The following CCSER1 variants were observed in gnomAD, a reference collection of about 807,000 sequenced individuals.
The protein encoded by CCSER1 is serine-rich coiled-coil domain-containing protein 1.
Under a neutral mutation model 82.0 loss-of-function variants are expected in CCSER1, and 41 were observed. The observed-to-expected ratio is 0.50, with a 90% CI of 0.39 to 0.65. The LOEUF (loss-of-function observed/expected upper bound fraction) is 0.65. Among genes scored for constraint, CCSER1 ranks in the 30% least tolerant of loss-of-function variants. The probability of loss-of-function intolerance (pLI) is 0.00; values close to 1 mark genes in which losing one functional copy is unlikely to be tolerated. For missense variants in CCSER1, 1,119 were observed against 1,064.2 expected (o/e 1.05, Z -0.72); for synonymous variants, 414 against 383.9 (o/e 1.08, Z -0.92).
At chr4:90,604,936 T>C (rs1033257080) in intron 5 of CCSER1, among the ~76,000 whole-genome samples, 6 of 152,164 alleles carry the variant, frequency 3.9e-5, no homozygotes, top group African/African-American at 1.4e-4. Context: ...CAGCAGGATG[T>C]GGATGGGGTC....
At position 91,313,766 on chromosome 4, in the gene CCSER1, C is replaced by T. The variant is rs548049327; in HGVS notation, c.2217+227772C>T. Among the ~76,000 whole-genome samples, 5 of 151,848 alleles carry T rather than the reference C, an allele frequency of 3.3e-5. No homozygotes were observed. The South Asian group carries it at 8.3e-4, about 25-fold the overall frequency. ...GGCCACATGGAAAAGATGACCCAGT[C>T]CAAGCCCCCTGACCTATGATTGAGG... On this transcript the variant is annotated intron_variant, in intron 10 of 10. Coordinates refer to ENST00000509176, the MANE Select transcript of CCSER1 (RefSeq NM_001145065.2).
At chr4:90,366,750 A>G (rs948037434) in intron 3 of CCSER1, among the ~76,000 whole-genome samples, 7 of 151,836 alleles carry the variant, frequency 4.6e-5, no homozygotes, top group Non-Finnish European at 8.8e-5. Context: ...GATTTAAGGG[A>G]CACAGTTCAG....
intron 7 of CCSER1, among the ~76,000 whole-genome samples, chr4:90,791,819 C>CAA (rs35331482): frequency 0.22 from 27,980 of 125,742 alleles, 3,049 homozygotes; most frequent in Middle Eastern, 0.3. Flanking sequence ...GAGACTGTCT[C>CAA]AAAAAAAAAA....
At chr4:91,310,908 A>C (rs966188825) in intron 10 of CCSER1, among the ~76,000 whole-genome samples, 5 of 151,856 alleles carry the variant, frequency 3.3e-5, no homozygotes, top group African/African-American at 9.7e-5. Context: ...TGTGTGGTCC[A>C]TGACAATTCT....
chr4:91,302,364 C>T (rs1744732836), intron 10 of CCSER1, among the ~76,000 whole-genome samples: 1 of 151,958 alleles, frequency 6.6e-6, no homozygotes, highest in Admixed American at 6.6e-5. Context: ...ATCTTGTTAG[C>T]TCTACTTTCA....
At chr4:90,387,925 A>G (rs757974828) in intron 3 of CCSER1, among the ~76,000 whole-genome samples, 7 of 152,206 alleles carry the variant, frequency 4.6e-5, no homozygotes, top group Non-Finnish European at 8.8e-5. Flanking sequence ...GAATGATTGC[A>G]TTAGAGGGTG....
At chr4:91,373,200 A>C (rs1230222837) in intron 10 of CCSER1, among the ~76,000 whole-genome samples, 1 of 152,050 alleles carries the variant, frequency 6.6e-6, no homozygotes, top group Non-Finnish European at 1.5e-5. Flanking sequence ...TCCCGGTGCC[A>C]ACAATATTTA....
intron 10 of CCSER1, among the ~76,000 whole-genome samples, chr4:91,492,053 C>T (rs764745683): frequency 6.6e-6 from 1 of 150,728 alleles, no homozygotes; most frequent in Non-Finnish European, 1.5e-5. Context: ...TGTTCTCTGG[C>T]CAGGTTTTTA....
intron 1 of CCSER1, among the ~76,000 whole-genome samples, chr4:90,169,657 A>G (rs942138308): frequency 1.3e-5 from 2 of 152,058 alleles, no homozygotes; most frequent in Non-Finnish European, 2.9e-5. Context: ...ACTGAAATGC[A>G]TTCATTTTAA....
At chr4:90,765,379 C>G (rs910510393) in intron 7 of CCSER1, among the ~76,000 whole-genome samples, 1 of 152,078 alleles carries the variant, frequency 6.6e-6, no homozygotes, top group South Asian at 2.1e-4. Flanking sequence ...TCTTTTCTGC[C>G]TCCTTGGGGA....
chr4:91,419,497 T>C, intron 10 of CCSER1, among the ~76,000 whole-genome samples: 1 of 152,144 alleles, frequency 6.6e-6, no homozygotes, highest in African/African-American at 2.4e-5. Context: ...TAGGAATAAT[T>C]TGAAGGAGAC....
At chr4:91,131,647 T>C (rs1262079811) in intron 10 of CCSER1, among the ~76,000 whole-genome samples, 2 of 152,060 alleles carry the variant, frequency 1.3e-5, no homozygotes, top group African/African-American at 4.8e-5. Flanking sequence ...AATCTGTTGA[T>C]CTAGATAGGT....
intron 7 of CCSER1, among the ~76,000 whole-genome samples, chr4:90,727,625 TTAG>T (rs151249665): frequency 0.011 from 1,689 of 152,270 alleles, 24 homozygotes; most frequent in African/African-American, 0.037. Flanking sequence ...TCACTGTTCT[TTAG>T]TAGGATGACC....
intron 4 of CCSER1, among the ~76,000 whole-genome samples, chr4:90,406,104 T>C (rs1478208650): frequency 2.0e-5 from 3 of 152,216 alleles, no homozygotes; most frequent in African/African-American, 7.2e-5. Flanking sequence ...AAGTTTGTTC[T>C]GTTTTCAGGA....
chr4:90,244,364 A>C (rs1721043247), intron 1 of CCSER1, among the ~76,000 whole-genome samples: 1 of 152,192 alleles, frequency 6.6e-6, no homozygotes, highest in Non-Finnish European at 1.5e-5. Context: ...TGCCCTGACA[A>C]ATGGTCCAGC....
intron 10 of CCSER1, among the ~76,000 whole-genome samples, chr4:91,320,417 T>C (rs911017019): frequency 6.6e-6 from 1 of 151,992 alleles, no homozygotes; most frequent in Non-Finnish European, 1.5e-5. Flanking sequence ...TTGTGCATAA[T>C]TATAGTAGAC....
chr4:91,081,371 G>A (rs1017174224), intron 9 of CCSER1, among the ~76,000 whole-genome samples: 1 of 152,080 alleles, frequency 6.6e-6, no homozygotes, highest in African/African-American at 2.4e-5. Context: ...AGCCCTTCAT[G>A]CAAAAAACTC....
chr4:90,323,916 G>C (rs142968830), intron 3 of CCSER1, among the ~76,000 whole-genome samples: 1 of 151,892 alleles, frequency 6.6e-6, no homozygotes, highest in African/African-American at 2.4e-5. Flanking sequence ...GAGAATATGC[G>C]GTATTTGGTT....
chr4:91,153,834 G>C (rs984394376), intron 10 of CCSER1, among the ~76,000 whole-genome samples: 14 of 151,926 alleles, frequency 9.2e-5, no homozygotes, highest in Non-Finnish European at 1.9e-4. Flanking sequence ...AAATATTACA[G>C]AACGGCATAT....
Sources: allele counts gnomAD v4.1 joint callset (sites outside exome capture counted in the v4.1 genomes callset), GRCh38; gene constraint gnomAD v4.1.1; transcripts MANE v1.5; gene names NCBI Gene and HGNC (gene_info 2026-07-23, HGNC 2026-07-21).